Variants in SPP2 observed in about 807,000 individuals in gnomAD.
SPP2 encodes secreted phosphoprotein 24.
A neutral mutation model predicts 28.8 loss-of-function variants in SPP2; 34 were observed. That is an observed-to-expected ratio of 1.18 (90% CI 0.90 to 1.57). The LOEUF (loss-of-function observed/expected upper bound fraction) is 1.57. SPP2 is among the 40% of genes most tolerant of loss of function. The pLI is 0.00. For synonymous variants in SPP2, 96 were observed against 89.4 expected (o/e 1.07, Z -0.42); for missense variants, 269 against 263.9 (o/e 1.02, Z -0.13).
intron 2 of SPP2, among the ~76,000 whole-genome samples, chr2:234,055,406 A>G (rs1306059287): frequency 2.0e-5 from 3 of 152,230 alleles, no homozygotes; most frequent in Non-Finnish European, 4.4e-5. Flanking sequence ...CATCTGCTTT[A>G]CTTAAAGTCC....
intron 7 of SPP2, among the ~76,000 whole-genome samples, chr2:234,073,621 C>T (rs1690837837): frequency 6.6e-6 from 1 of 152,070 alleles, no homozygotes; most frequent in Admixed American, 6.5e-5. Context: ...AATCAGGTCC[C>T]AACTCTCATG....
chr2:234,067,137 A>G, intron 5 of SPP2, 87 bp from the exon 6 acceptor site: 3 of 1,230,946 alleles, frequency 2.4e-6, no homozygotes, highest in Non-Finnish European at 3.6e-6. Flanking sequence ...TTGCTTAAGA[A>G]GCATATTTGT....
intron 7 of SPP2, among the ~76,000 whole-genome samples, chr2:234,075,236 C>T (rs184991705): frequency 7.0e-4 from 107 of 152,210 alleles, no homozygotes; most frequent in Admixed American, 1.5e-3. Context: ...AGTGAGTAGG[C>T]GAATTCACAA....
chr2:234,062,209 G>T (rs1426809849), intron 4 of SPP2, among the ~76,000 whole-genome samples: 1 of 152,160 alleles, frequency 6.6e-6, no homozygotes, highest in African/African-American at 2.4e-5. Flanking sequence ...AGGCACTGGG[G>T]GCCACATAGT....
chr2:234,067,261 T>C lies in SPP2; in HGVS notation c.537T>C (p.Tyr179=). The C allele has an allele frequency of 6.2e-7, 1 of 1,614,136 alleles. No individual in the cohort carries two copies. The highest frequency in any genetic ancestry group is 8.5e-7 in the Non-Finnish European group (1 of 1,180,000). ...ACGAGTCCATAAGTGAACAATTTTATGATCGGTCACTTGGTAAGTGATTTC... is the reference window on the plus strand; with the variant it reads ...ACGAGTCCATAAGTGAACAATTTTACGATCGGTCACTTGGTAAGTGATTTC... ...ISDESISEQF[Y]DRSLGIMRRV... The change falls in exon 6 of 8, where the codon TAT becomes TAC. Residue 179 remains tyrosine, a synonymous_variant. Transcript: ENST00000168148.
chr2:234,074,927 T>G (rs761547301), intron 7 of SPP2, among the ~76,000 whole-genome samples: 2 of 148,186 alleles, frequency 1.3e-5, no homozygotes, highest in Non-Finnish European at 3.0e-5. Flanking sequence ...TTTTTGCACT[T>G]AGAAACACTT....
intron 2 of SPP2, among the ~76,000 whole-genome samples, chr2:234,057,346 C>A (rs1693629278): frequency 6.6e-6 from 1 of 152,224 alleles, no homozygotes; most frequent in Non-Finnish European, 1.5e-5. Flanking sequence ...GCTCCAGCCA[C>A]AAGAGTCGGA....
chr2:234,074,017 C>T (rs1352593533), intron 7 of SPP2, among the ~76,000 whole-genome samples: 1 of 152,088 alleles, frequency 6.6e-6, no homozygotes, highest in African/African-American at 2.4e-5. Flanking sequence ...TTGCATAAAC[C>T]TTGGAACAAT....
At chr2:234,055,470 A>G (rs572045499) in intron 2 of SPP2, among the ~76,000 whole-genome samples, 1 of 152,380 alleles carries the variant, frequency 6.6e-6, no homozygotes, top group African/African-American at 2.4e-5. Context: ...AACATTCAGA[A>G]AAATGTTGAC....
intron 4 of SPP2, among the ~76,000 whole-genome samples, chr2:234,063,598 C>A (rs954616868): frequency 6.6e-6 from 1 of 152,074 alleles, no homozygotes; most frequent in Admixed American, 6.5e-5. Flanking sequence ...TTTATTATTT[C>A]TTTTTCAATC....
At chr2:234,068,253 A>G (rs1235559837) in intron 6 of SPP2, among the ~76,000 whole-genome samples, 1 of 152,204 alleles carries the variant, frequency 6.6e-6, no homozygotes, top group African/African-American at 2.4e-5. Context: ...TTTCTTCTTC[A>G]GTGTCACAAA....
chr2:234,066,110 G>T (rs2125464666), intron 4 of SPP2, among the ~76,000 whole-genome samples: 1 of 152,296 alleles, frequency 6.6e-6, no homozygotes, highest in Non-Finnish European at 1.5e-5. Context: ...ACTTTGTGAT[G>T]ATTGCATGGA....
chr2:234,070,265 A>G (rs1173177941), intron 7 of SPP2, among the ~76,000 whole-genome samples: 1 of 152,146 alleles, frequency 6.6e-6, no homozygotes, highest in East Asian at 1.9e-4. Context: ...CCATGTGAGG[A>G]GCAAACAAAC....
intron 7 of SPP2, among the ~76,000 whole-genome samples, chr2:234,070,931 G>A (rs1194199534): frequency 1.3e-5 from 2 of 151,990 alleles, no homozygotes; most frequent in East Asian, 3.9e-4. Flanking sequence ...CTGGATCCAG[G>A]CCTTTATAAC....
chr2:234,063,273 A>T (rs919137402), intron 4 of SPP2, among the ~76,000 whole-genome samples: 2 of 152,228 alleles, frequency 1.3e-5, no homozygotes, highest in East Asian at 1.9e-4. Context: ...AACTGAAAAA[A>T]ACTCCCAGAG....
At chr2:234,076,508 T>C (rs1255911965) in intron 7 of SPP2, among the ~76,000 whole-genome samples, 2 of 152,174 alleles carry the variant, frequency 1.3e-5, no homozygotes, top group East Asian at 3.9e-4. Context: ...CTATGCCTCA[T>C]TGATCTTTGT....
rs376014814 is a variant in SPP2, at chr2:234,058,003, G to C, written c.211-833G>C. 6.6e-5 allele frequency among the ~76,000 whole-genome samples: 10 copies of C among 152,322 alleles called. No homozygotes were observed. The South Asian group carries it at 8.3e-4, about 13-fold the overall frequency. ...AGAATCATTGCTCCTAGGGGAAATA[G>C]AAGGTTTGGTTCCTGTGAGCCTTGG... is the stretch of plus-strand genomic sequence containing the variant. On this transcript the variant is annotated intron_variant, in intron 2 of 7. Transcript: ENST00000168148.
intron 2 of SPP2, chr2:234,056,012 T>C (rs1276753549): frequency 1.3e-5 from 2 of 152,170 alleles, no homozygotes; most frequent in Non-Finnish European, 2.9e-5. Flanking sequence ...AACTCATCAT[T>C]TAACATTAAG....
At chr2:234,052,924 T>C (rs1374257040) in intron 2 of SPP2, among the ~76,000 whole-genome samples, 1 of 152,214 alleles carries the variant, frequency 6.6e-6, no homozygotes, top group African/African-American at 2.4e-5. Flanking sequence ...AAACACCCTA[T>C]AGATGGCTCC....
Sources: allele counts gnomAD v4.1 joint callset (sites outside exome capture counted in the v4.1 genomes callset), GRCh38; gene constraint gnomAD v4.1.1; transcripts MANE v1.5; gene names NCBI Gene and HGNC (gene_info 2026-07-23, HGNC 2026-07-21).